Variants in ADGRB3 observed in about 807,000 individuals in gnomAD.
ADGRB3 encodes the protein brain-specific angiogenesis inhibitor 3.
Under a neutral mutation model 193.4 loss-of-function variants are expected in ADGRB3, and 37 were observed. The ratio of observed to expected loss-of-function variants is 0.19; its 90% CI spans 0.15 to 0.25. ADGRB3 has a LOEUF of 0.25. Among genes scored for constraint, ADGRB3 ranks in the 10% least tolerant of loss-of-function variants. ADGRB3 has a pLI of 1.00. For missense variants in ADGRB3, 1,637 were observed against 1,852.9 expected (o/e 0.88, Z 2.14); for synonymous variants, 690 against 644.2 (o/e 1.07, Z -1.08).
intron 3 of ADGRB3, among the ~76,000 whole-genome samples, chr6:68,901,538 A>T (rs943308247): frequency 1.3e-5 from 2 of 152,208 alleles, no homozygotes; most frequent in Non-Finnish European, 2.9e-5. Context: ...TGTGGAGGTC[A>T]TTGGGAACCA....
intron 24 of ADGRB3, 55 bp downstream of exon 24, chr6:69,333,063 A>G: frequency 6.4e-7 from 1 of 1,561,062 alleles, no homozygotes; most frequent in African/African-American, 1.4e-5. Flanking sequence ...CCCATACTCC[A>G]ATTTCAGACC....
intron 20 of ADGRB3, among the ~76,000 whole-genome samples, chr6:69,265,788 A>C (rs1321309881): frequency 6.6e-6 from 1 of 151,960 alleles, no homozygotes; most frequent in Non-Finnish European, 1.5e-5. Context: ...GCATATTTTC[A>C]ATTAGCTTAA....
At chr6:69,093,448 G>A (rs1772773612) in intron 17 of ADGRB3, among the ~76,000 whole-genome samples, 1 of 151,534 alleles carries the variant, frequency 6.6e-6, no homozygotes, top group East Asian at 2.0e-4. Context: ...TTAAGGAGGA[G>A]ATAGACAGCC....
At chr6:69,256,695 T>G (rs999661653) in intron 20 of ADGRB3, among the ~76,000 whole-genome samples, 9 of 152,210 alleles carry the variant, frequency 5.9e-5, no homozygotes, top group Non-Finnish European at 1.0e-4. Flanking sequence ...TACCCTTTAT[T>G]TCCTTCTCCT....
intron 20 of ADGRB3, among the ~76,000 whole-genome samples, chr6:69,314,266 A>G (rs1402844567): frequency 6.6e-6 from 1 of 151,686 alleles, no homozygotes; most frequent in African/African-American, 2.4e-5. Context: ...GCTGACATAT[A>G]TCTAACACTT....
intron 8 of ADGRB3, among the ~76,000 whole-genome samples, chr6:68,973,888 A>G (rs1206840144): frequency 2.0e-5 from 3 of 152,170 alleles, no homozygotes; most frequent in Non-Finnish European, 2.9e-5. Context: ...TTCTTTCACT[A>G]CTATTTTGCA....
At chr6:68,925,707 T>G (rs1767160585) in intron 3 of ADGRB3, among the ~76,000 whole-genome samples, 4 of 152,010 alleles carry the variant, frequency 2.6e-5, no homozygotes, top group African/African-American at 9.7e-5. Context: ...TTTAGGAAAT[T>G]TATATAAAAA....
chr6:68,841,072 A>T (rs559906651), intron 3 of ADGRB3, among the ~76,000 whole-genome samples: 1 of 152,114 alleles, frequency 6.6e-6, no homozygotes, highest in Non-Finnish European at 1.5e-5. Context: ...ATATATATGT[A>T]CCGAACACTG....
intron 3 of ADGRB3, among the ~76,000 whole-genome samples, chr6:68,661,538 CATATATATAT>C (rs66836065): frequency 0.094 from 8,613 of 91,788 alleles, 913 homozygotes; most frequent in African/African-American, 0.21. Context: ...TATGTGTATA[CATATATATAT>C]ATATATATAT....
chr6:68,853,602 A>G (rs369945200), intron 3 of ADGRB3, among the ~76,000 whole-genome samples: 1 of 152,146 alleles, frequency 6.6e-6, no homozygotes, highest in Non-Finnish European at 1.5e-5. Flanking sequence ...TATAGGATAT[A>G]TTATACATAG....
At chr6:68,904,778 TTTGA>T (rs1766496711) in intron 3 of ADGRB3, among the ~76,000 whole-genome samples, 1 of 152,192 alleles carries the variant, frequency 6.6e-6, no homozygotes, top group African/African-American at 2.4e-5. Flanking sequence ...AATCCATTGG[TTTGA>T]TTTTCTCCTT....
intron 3 of ADGRB3, among the ~76,000 whole-genome samples, chr6:68,912,563 C>T (rs756430851): frequency 7.6e-4 from 116 of 152,158 alleles, no homozygotes; most frequent in Admixed American, 2.1e-3. Context: ...GCTCCCCTTC[C>T]TGTGTCCATG....
intron 23 of ADGRB3, chr6:69,331,626 A>T (rs980580805): frequency 9.1e-6 from 9 of 985,406 alleles, no homozygotes; most frequent in Non-Finnish European, 1.1e-5. Flanking sequence ...CTTAGTGCAA[A>T]GGGAAATCAA....
chr6:68,920,738 G>T (rs917038703), intron 3 of ADGRB3, among the ~76,000 whole-genome samples: 6 of 151,754 alleles, frequency 4.0e-5, no homozygotes, highest in Non-Finnish European at 1.5e-5. Flanking sequence ...CTCTGTGAAA[G>T]AATATATTGA....
intron 3 of ADGRB3, among the ~76,000 whole-genome samples, chr6:68,728,557 T>C (rs1021504964): frequency 6.6e-6 from 1 of 151,552 alleles, no homozygotes; most frequent in Non-Finnish European, 1.5e-5. Context: ...TTCTAGGCTT[T>C]CTTCTAAATT....
Position 69,069,682 on chromosome 6 carries a change from G to C in ADGRB3, c.2437-6313G>C, listed in dbSNP as rs1488412259. 4.5e-5 allele frequency among the ~76,000 whole-genome samples: 6 copies of C among 133,796 alleles called. No homozygotes were observed. The East Asian group carries it at 1.4e-3, about 31-fold the overall frequency. 87.8% of individuals were successfully genotyped at this position (133,796 alleles called of 152,430 possible). ...GAGGACAGAGGTTGCAGTGAGCCAA[G>C]ATTGTGCCACTGCACTCCAGGCTGG... On this transcript the variant is annotated intron_variant, in intron 16 of 31. Coordinates refer to ENST00000370598, the MANE Select transcript of ADGRB3 (RefSeq NM_001704.3).
chr6:69,064,606 T>C (rs1327469258), intron 16 of ADGRB3, among the ~76,000 whole-genome samples: 1 of 149,966 alleles, frequency 6.7e-6, no homozygotes, highest in Non-Finnish European at 1.5e-5. Context: ...GTTTTTATTG[T>C]TTTTCTACAG....
At chr6:69,238,606 G>A (rs537200795) in intron 19 of ADGRB3, among the ~76,000 whole-genome samples, 1 of 152,088 alleles carries the variant, frequency 6.6e-6, no homozygotes, top group East Asian at 1.9e-4. Flanking sequence ...AAATGCTGGA[G>A]TGGATAAAAG....
At chr6:69,324,133 C>G (rs1270747664) in intron 20 of ADGRB3, among the ~76,000 whole-genome samples, 1 of 151,978 alleles carries the variant, frequency 6.6e-6, no homozygotes, top group Non-Finnish European at 1.5e-5. Flanking sequence ...GCTGATGAGT[C>G]ACAACTAATG....
Sources: allele counts gnomAD v4.1 joint callset (sites outside exome capture counted in the v4.1 genomes callset), GRCh38; gene constraint gnomAD v4.1.1; transcripts MANE v1.5; gene names NCBI Gene and HGNC (gene_info 2026-07-23, HGNC 2026-07-21).